Variants in KCNN2 observed in about 807,000 individuals in gnomAD.
KCNN2 encodes potassium calcium-activated channel subfamily N member 2, also known as small conductance calcium-activated potassium channel protein 2.
A neutral mutation model predicts 55.5 loss-of-function variants in KCNN2; 24 were observed. That is an observed-to-expected ratio of 0.43 (90% CI 0.31 to 0.61). KCNN2 has a LOEUF of 0.61. Among genes scored for constraint, KCNN2 ranks in the 20% least tolerant of loss-of-function variants. KCNN2 has a pLI of 0.08. For missense variants in KCNN2, 754 were observed against 853.6 expected, an observed-to-expected ratio of 0.88 and a Z score of 1.45; for synonymous variants, 431 against 336.1, an observed-to-expected ratio of 1.28 and a Z score of -3.09.
At chr5:114,390,013 C>G (rs163207) in intron 2 of KCNN2, among the ~76,000 whole-genome samples, 16,591 of 152,106 alleles carry the variant, frequency 0.11, 1,350 homozygotes, top group African/African-American at 0.23. Flanking sequence ...CTTTCAATTG[C>G]CTGTGCTTTA....
chr5:114,409,917 A>C (rs1174346152), intron 3 of KCNN2, among the ~76,000 whole-genome samples: 2 of 152,090 alleles, frequency 1.3e-5, no homozygotes, highest in Admixed American at 1.3e-4. Flanking sequence ...GGAAGCAGAG[A>C]AGGAAGAATC....
rs1191295656 is a variant in KCNN2 at position 114,362,425 on chromosome 5, G to C, written c.286G>C (p.Gly96Arg). 8.9e-6 allele frequency: 3 copies of C among 336,326 alleles called. No individual in the cohort carries two copies. The highest frequency in any genetic ancestry group is 1.6e-5 in the Non-Finnish European group (3 of 185,458). 20.8% of individuals were successfully genotyped at this position (336,326 alleles called of 1,614,324 possible). The change falls in exon 1 of 8, where the codon GGC (glycine) becomes CGC (arginine). Residue 96 changes from glycine to arginine, a missense_variant. Transcript: ENST00000673685. ...LSLLLRTSSPGGAFRTRTSSP... is the reference protein window; with the variant it reads ...LSLLLRTSSPRGAFRTRTSSP... ...CCTGCTGCTCCGCACCTCCTCGCCC[G>C]GCGGCGCCTTCCGGACCCGCACCTC...
intron 2 of KCNN2, among the ~76,000 whole-genome samples, chr5:114,293,678 C>G (rs1045094108): frequency 6.6e-6 from 1 of 152,130 alleles, no homozygotes; most frequent in Non-Finnish European, 1.5e-5. Flanking sequence ...CTCTGCGAGG[C>G]TTTGGTATCA....
intron 1 of KCNN2, among the ~76,000 whole-genome samples, chr5:114,136,760 C>T (rs1366981944): frequency 6.6e-6 from 1 of 152,156 alleles, no homozygotes; most frequent in East Asian, 1.9e-4. Context: ...TCCCTTTCTT[C>T]ACAAGAAAAA....
intron 1 of KCNN2, among the ~76,000 whole-genome samples, chr5:114,079,784 A>C (rs1002869015): frequency 2.6e-5 from 4 of 151,780 alleles, no homozygotes; most frequent in African/African-American, 9.7e-5. Context: ...TGCAGCCATC[A>C]GCTTTAAGAG....
intron 1 of KCNN2, among the ~76,000 whole-genome samples, chr5:114,193,792 TAAGAG>T (rs150964072): frequency 0.03 from 4,540 of 152,244 alleles, 231 homozygotes; most frequent in African/African-American, 0.1. Context: ...AACTTAGAAA[TAAGAG>T]AAGAGATCTT....
intron 2 of KCNN2, among the ~76,000 whole-genome samples, chr5:114,267,335 C>T (rs771398746): frequency 7.2e-5 from 11 of 152,208 alleles, no homozygotes; most frequent in Non-Finnish European, 1.3e-4. Flanking sequence ...CAGGCTTTTT[C>T]GTGTGAGCAT....
At chr5:114,209,088 G>A (rs1753827259) in intron 1 of KCNN2, among the ~76,000 whole-genome samples, 1 of 148,440 alleles carries the variant, frequency 6.7e-6, no homozygotes, top group African/African-American at 2.5e-5. Flanking sequence ...ACAGGGTCTC[G>A]CTCTGTTGCC....
chr5:114,278,290 G>C (rs1236489183), intron 2 of KCNN2, among the ~76,000 whole-genome samples: 2 of 152,118 alleles, frequency 1.3e-5, no homozygotes, highest in Non-Finnish European at 2.9e-5. Flanking sequence ...CTCCCAGTCA[G>C]GCTACATGGG....
exon 1 of KCNN2, chr5:114,056,221 G>T: frequency 2.5e-6 from 1 of 395,772 alleles, no homozygotes; most frequent in Non-Finnish European, 4.5e-6. Flanking sequence ...CCGCGCCCCG[G>T]AGCTCTCCGG....
intron 1 of KCNN2, among the ~76,000 whole-genome samples, chr5:114,194,555 T>G (rs1753512433): frequency 6.6e-6 from 1 of 152,130 alleles, no homozygotes; most frequent in African/African-American, 2.4e-5. Context: ...TATTTGTCTT[T>G]TTATTATTGA....
chr5:114,214,969 G>T (rs973554759), intron 1 of KCNN2, among the ~76,000 whole-genome samples: 1 of 152,104 alleles, frequency 6.6e-6, no homozygotes, highest in South Asian at 2.1e-4. Context: ...GAGTAATATA[G>T]TCTGGTATTA....
At chr5:114,079,026 G>C (rs759632784) in intron 1 of KCNN2, among the ~76,000 whole-genome samples, 1 of 152,092 alleles carries the variant, frequency 6.6e-6, no homozygotes, top group Non-Finnish European at 1.5e-5. Context: ...GTTAGGACTT[G>C]CTTTTAATGA....
In KCNN2 at chr5:114,231,851, T is replaced by G. The variant is rs550600717; in HGVS notation, c.-185+10286T>G. 2.2e-4 allele frequency among the ~76,000 whole-genome samples: 27 copies of G among 123,682 alleles called. 1 individual carries two copies. The South Asian group carries it at 6.8e-3, about 31-fold the overall frequency. 81.1% of individuals were successfully genotyped at this position (123,682 alleles called of 152,430 possible). A position where few individuals can be genotyped will look rare whatever the true frequency, so the allele number is the denominator to read the frequency against. The stretch of plus-strand genomic sequence containing the variant: ...ATTTCTGTCTTCCCATAAAATGCCT[T>G]GTTTTTTTTTTCTGTTAAAACCTTC... On this transcript the variant is annotated intron_variant, in intron 2 of 10. Coordinates refer to the KCNN2 transcript ENST00000512097.
At chr5:114,189,822 TA>T (rs1428757015) in intron 1 of KCNN2, among the ~76,000 whole-genome samples, 1 of 152,076 alleles carries the variant, frequency 6.6e-6, no homozygotes, top group African/African-American at 2.4e-5. Context: ...TGGAATGTGA[TA>T]AAAATAGCAT....
At chr5:114,409,362 A>G (rs544373042) in intron 3 of KCNN2, among the ~76,000 whole-genome samples, 84 of 152,310 alleles carry the variant, frequency 5.5e-4, no homozygotes, top group Non-Finnish European at 1.0e-3. Context: ...GTAAATTTGC[A>G]ATTTGGAACA....
rs935579046 is a variant in KCNN2, at chr5:114,060,886, G to A, written c.-271+4386G>A. 2.0e-5 allele frequency among the ~76,000 whole-genome samples: 3 copies of A among 152,206 alleles called. No individual in the cohort carries two copies. The East Asian group carries it at 5.8e-4, about 29-fold the overall frequency. On this transcript the variant is annotated intron_variant, in intron 1 of 10. Transcript: ENST00000512097. ...TCTTTGTTGACCAACTTCAAGTAAT[G>A]CTTCTAATTCTGAGAATTCAGCCTC...
chr5:114,088,956 A>T (rs960075151), intron 1 of KCNN2, among the ~76,000 whole-genome samples: 12 of 152,294 alleles, frequency 7.9e-5, no homozygotes, highest in African/African-American at 2.9e-4. Context: ...TATCAGTTTT[A>T]AAAAATTATT....
In KCNN2 at chr5:114,241,715, T is replaced by C. The variant is rs1754626185; in HGVS notation, c.-185+20150T>C. ...GAGAATATATATGTGGATATATATA[T>C]ATATACGTATATATATACATATATA... On this transcript the variant is annotated intron_variant, in intron 2 of 10. Coordinates refer to the KCNN2 transcript ENST00000512097. 1.7e-5 allele frequency among the ~76,000 whole-genome samples: 2 copies of C among 117,148 alleles called. 1 individual carries two copies. Among genetic ancestry groups the C allele is most frequent in the South Asian group, 5.5e-4 (2 of 3,666 alleles). The allele number at this position is 117,148 out of a possible 152,430, so 76.9% of individuals were successfully genotyped here. A position where few individuals can be genotyped will look rare whatever the true frequency, so the allele number is the denominator to read the frequency against.
Sources: gnomAD v4.1 joint callset for allele counts (sites outside exome capture counted in the v4.1 genomes callset) on GRCh38, gnomAD v4.1.1 for gene constraint, MANE v1.5 for transcripts, NCBI Gene and HGNC (gene_info 2026-07-23, HGNC 2026-07-21) for gene names.